The following COPA variants were observed in gnomAD, a reference collection of about 807,000 sequenced individuals.
COPA encodes coat protein complex I subunit alpha.
Under a neutral mutation model 158.7 loss-of-function variants are expected in COPA, and 10 were observed. The ratio of observed to expected loss-of-function variants is 0.06; its 90% CI spans 0.04 to 0.11. COPA has a LOEUF of 0.11. Among genes scored for constraint, COPA ranks in the 10% least tolerant of loss-of-function variants. The probability of loss-of-function intolerance (pLI) is 1.00; values close to 1 mark genes in which losing one functional copy is unlikely to be tolerated. For missense variants in COPA, 1,065 were observed against 1,536.7 expected (o/e 0.69, Z 5.13); for synonymous variants, 462 against 542.8 (o/e 0.85, Z 2.07).
chr1:160,294,932 T>C, intron 23 of COPA, 75 bp from the exon 24 acceptor site: 1 of 1,258,926 alleles, frequency 7.9e-7, no homozygotes, highest in South Asian at 1.3e-5. Flanking sequence ...TGTAGGCAGG[T>C]TAAATCCTTT....
chr1:160,321,585 C>T (rs762636203), intron 8 of COPA, among the ~76,000 whole-genome samples: 10 of 152,050 alleles, frequency 6.6e-5, no homozygotes, highest in Non-Finnish European at 1.3e-4. Flanking sequence ...GTCAAGAGTT[C>T]GAGACCAGCT....
chr1:160,342,039 G>T (rs1398940926), intron 1 of COPA, among the ~76,000 whole-genome samples: 1 of 152,152 alleles, frequency 6.6e-6, no homozygotes, highest in Admixed American at 6.6e-5. Flanking sequence ...CTTAGAAACT[G>T]CTCAGAATAT....
At chr1:160,342,137 T>G (rs764658152) in intron 1 of COPA, among the ~76,000 whole-genome samples, 5 of 152,190 alleles carry the variant, frequency 3.3e-5, no homozygotes, top group Admixed American at 6.5e-5. Context: ...ACTTTCTCAT[T>G]TTAATACTCT....
rs1403560888 is a variant in COPA at position 160,299,120 on chromosome 1, G to C, written c.1812C>G (p.Ile604Met). The change falls in exon 18 of 33, where the codon ATC becomes ATG. Residue 604 changes from isoleucine to methionine, a missense_variant. This residue lies in a region of COPA where 980 missense variants were observed against 1,357.8 expected (regional missense o/e 0.72). Coordinates refer to ENST00000241704, the MANE Select transcript of COPA (RefSeq NM_004371.4). ...PTEFKFKLAL[I>M]NRKYDEVLHM... is the part of the protein sequence containing the mutation. The stretch of plus-strand genomic sequence containing the variant: ...TTCATACCTCATCATATTTTCTGTT[G>C]ATCAGGGCCAGCTTGAATTTGAACT... 1 of 1,614,022 alleles carries C rather than the reference G, an allele frequency of 6.2e-7. No homozygotes were observed. Among genetic ancestry groups the C allele is most frequent in the South Asian group, 1.1e-5 (1 of 91,078 alleles).
Position 160,328,933 on chromosome 1 carries a change from C to CA in COPA, c.497-3282dup, listed in dbSNP as rs1005542330. On this transcript the variant is annotated intron_variant, in intron 6 of 32. Coordinates refer to ENST00000241704, the MANE Select transcript of COPA (RefSeq NM_004371.4). ...TAACTAACTCAGAGAGTGTCCCTTT[C>CA]AAAAAAAAATAGTCAAAAAAATTAG... Among the ~76,000 whole-genome samples the CA allele has an allele frequency of 7.3e-5, 11 of 150,310 alleles. 1 individual carries two copies. The highest frequency in any genetic ancestry group is 3.3e-4 in the Admixed American group (5 of 15,078).
chr1:160,303,856 A>G (rs958391832), intron 17 of COPA, among the ~76,000 whole-genome samples: 1 of 152,168 alleles, frequency 6.6e-6, no homozygotes, highest in Non-Finnish European at 1.5e-5. Context: ...CAGAATTCAC[A>G]TAAGAGGAAA....
chr1:160,333,958 C>T (rs79491661), intron 4 of COPA, among the ~76,000 whole-genome samples: 5,016 of 117,084 alleles, frequency 0.043, 274 homozygotes, highest in African/African-American at 0.18. Flanking sequence ...TTTACATTTA[C>T]TTCTATATGT....
rs1658261872 is a variant in COPA at position 160,292,195 on chromosome 1, C to T, written c.2964G>A (p.Lys988=). 1 of 1,609,226 alleles carries T rather than the reference C, an allele frequency of 6.2e-7. No homozygotes were observed. Among genetic ancestry groups the T allele is most frequent in the East Asian group, 2.2e-5 (1 of 44,772 alleles). Residue 988 remains lysine (K), a synonymous_variant, in exon 29 of 33, where the codon AAG becomes AAA. Transcript: ENST00000241704. The part of the protein sequence containing the change: ...SMYGYPNRNW[K]DAGLKNGVPA... ...GTACACCATTCTTCAGCCCTGCATC[C>T]TTCCTGGAAAGGGAAAAGTAGGAAG...
rs768379962 is a variant in COPA at position 160,293,369 on chromosome 1, G to C, written c.2754+17C>G. ...TTAGCCACTCATCCCTGCCGTGCTA[G>C]GTTTCTTCCCGCTTACCTGAGTTGG... is the stretch of plus-strand genomic sequence containing the variant. On this transcript the variant is annotated intron_variant, in intron 26 of 32. Coordinates refer to ENST00000241704, the MANE Select transcript of COPA (RefSeq NM_004371.4). 1.2e-6 allele frequency: 2 copies of C among 1,613,436 alleles called. No homozygotes were observed. The highest frequency in any genetic ancestry group is 2.2e-5 in the South Asian group (2 of 90,934).
chr1:160,302,155 AT>A (rs1020223108), intron 17 of COPA, among the ~76,000 whole-genome samples: 1 of 152,116 alleles, frequency 6.6e-6, no homozygotes, highest in Admixed American at 6.5e-5. Context: ...AAATCCTGGA[AT>A]TGATAAGAGT....
intron 21 of COPA, among the ~76,000 whole-genome samples, chr1:160,296,804 C>G (rs1202516613): frequency 6.6e-6 from 1 of 152,212 alleles, no homozygotes; most frequent in Non-Finnish European, 1.5e-5. Context: ...TGTTACATCT[C>G]AAATCTAGTT....
chr1:160,313,830 T>C (rs1229505773), intron 9 of COPA, among the ~76,000 whole-genome samples, 160 bp downstream of exon 9: 1 of 152,236 alleles, frequency 6.6e-6, no homozygotes, highest in African/African-American at 2.4e-5. Context: ...GATGGAAAAT[T>C]TGTAAATGTT....
chr1:160,310,500 C>A, intron 11 of COPA: 1 of 303,924 alleles, frequency 3.3e-6, no homozygotes, highest in South Asian at 6.2e-5. Flanking sequence ...AATTATTCAA[C>A]AGAAGGTAGG....
chr1:160,318,483 A>AAC (rs1553205637), intron 8 of COPA, among the ~76,000 whole-genome samples: 24 of 68,666 alleles, frequency 3.5e-4, no homozygotes, highest in African/African-American at 1.9e-3. Flanking sequence ...AAAAAAAAAA[A>AAC]AAAAAAAACA....
intron 17 of COPA, among the ~76,000 whole-genome samples, chr1:160,301,526 A>G (rs1173687680): frequency 2.0e-5 from 3 of 152,008 alleles, no homozygotes; most frequent in Non-Finnish European, 2.9e-5. Context: ...TAATCTCAAC[A>G]CTCTGGGAGG....
intron 26 of COPA, 39 bp downstream of exon 26, chr1:160,293,347 G>C (rs779193635): frequency 6.2e-7 from 1 of 1,611,016 alleles, no homozygotes; most frequent in South Asian, 1.1e-5. Flanking sequence ...TCAAGTATTA[G>C]CCACTCATCC....
chr1:160,331,576 G>A (rs1021062555), intron 6 of COPA, among the ~76,000 whole-genome samples: 4 of 151,622 alleles, frequency 2.6e-5, no homozygotes, highest in Admixed American at 2.0e-4. Flanking sequence ...GAATCCGGGA[G>A]GCAGAGGTTG....
chr1:160,317,031 C>T (rs929708777), intron 8 of COPA, among the ~76,000 whole-genome samples: 3 of 151,994 alleles, frequency 2.0e-5, no homozygotes, highest in Admixed American at 2.0e-4. Context: ...ATTTGTCTGG[C>T]AATAGATGTT....
At chr1:160,332,320 C>G (rs1647564903) in intron 6 of COPA, 128 bp downstream of exon 6, 1 of 503,136 alleles carries the variant, frequency 2.0e-6, no homozygotes, top group Non-Finnish European at 3.4e-6. Context: ...ACCTCAGAAA[C>G]AAAGATGCTA....
Sources: gnomAD v4.1 joint callset for allele counts (sites outside exome capture counted in the v4.1 genomes callset) on GRCh38, gnomAD v4.1.1 for gene constraint, gnomAD v4.1.1 regional missense constraint, MANE v1.5 for transcripts, NCBI Gene and HGNC (gene_info 2026-07-23, HGNC 2026-07-21) for gene names.